INPP5A: variants seen among roughly 807,000 people sequenced by gnomAD.
INPP5A encodes 43 kDa inositol polyphosphate 5-phophatase.
A neutral mutation model predicts 65.2 loss-of-function variants in INPP5A; 14 were observed. The ratio of observed to expected loss-of-function variants is 0.21; its 90% CI spans 0.14 to 0.34. INPP5A has a LOEUF of 0.34. INPP5A is among the 10% of genes least tolerant of loss of function. The probability of loss-of-function intolerance (pLI) is 1.00; values close to 1 mark genes in which losing one functional copy is unlikely to be tolerated. For missense variants in INPP5A, 431 were observed against 545.6 expected (o/e 0.79, Z 2.09); for synonymous variants, 207 against 208.3 (o/e 0.99, Z 0.05).
chr10:132,728,870 C>T (rs1434555901), intron 9 of INPP5A, among the ~76,000 whole-genome samples: 5 of 152,178 alleles, frequency 3.3e-5, no homozygotes, highest in African/African-American at 4.8e-5. Context: ...GCCCGGTGGC[C>T]GGGCCGTGTG....
In INPP5A at chr10:132,644,454, G is replaced by A. The variant is rs2072466657; in HGVS notation, c.118-1414G>A. On this transcript the variant is annotated intron_variant, in intron 2 of 15. Coordinates refer to ENST00000368594, the MANE Select transcript of INPP5A (RefSeq NM_005539.5). The surrounding 1 kb of genome is among the most constrained non-coding windows in gnomAD (Gnocchi z 6.5). ...GGTTGGAACCATTTCTGTCTCCCCA[G>A]CCTGAGCCCGTCGTCCCTTGCTGGC... 6.6e-6 allele frequency among the ~76,000 whole-genome samples: 1 copy of A among 152,244 alleles called. No individual in the cohort carries two copies. Among genetic ancestry groups the A allele is most frequent in the African/African-American group, 2.4e-5 (1 of 41,458 alleles).
chr10:132,674,169 C>T lies in INPP5A; in HGVS notation c.307-16223C>T, dbSNP rs561367348. Among the ~76,000 whole-genome samples the T allele has an allele frequency of 6.6e-6, 1 of 152,356 alleles. No individual in the cohort carries two copies. Among genetic ancestry groups the T allele is most frequent in the East Asian group, 1.9e-4 (1 of 5,188 alleles). ...TACAAATATCTTCACAAATTTTGAC[C>T]ACTCAGAGAGGTCTGTCCACATACC... is the stretch of plus-strand genomic sequence containing the variant. On this transcript the variant is annotated intron_variant, in intron 4 of 15. Coordinates refer to ENST00000368594, the MANE Select transcript of INPP5A (RefSeq NM_005539.5). This position sits in a 1 kb window ranked among gnomAD's most constrained non-coding sequence, Gnocchi z 4.4.
chr10:132,543,842 G>A (rs998138275), intron 1 of INPP5A, among the ~76,000 whole-genome samples: 4 of 152,234 alleles, frequency 2.6e-5, no homozygotes, highest in Non-Finnish European at 4.4e-5. Context: ...AACAGTGGAT[G>A]TTTGGCCTAT....
At chr10:132,629,816 T>G (rs1047272877) in intron 2 of INPP5A, among the ~76,000 whole-genome samples, 2 of 150,522 alleles carry the variant, frequency 1.3e-5, no homozygotes, top group African/African-American at 4.9e-5. Flanking sequence ...GAGTGGAGGG[T>G]ATCCATGAGG....
At position 132,717,674 on chromosome 10, in the gene INPP5A, G is replaced by A. The variant is rs538085724; in HGVS notation, c.647+7218G>A. The stretch of plus-strand genomic sequence containing the variant: ...TGTGGTGCCTGGGTTCTGTCTGGGC[G>A]CCTTAGACGGCTGTCTTGCGGGTTC... On this transcript the variant is annotated intron_variant, in intron 8 of 15. Transcript: ENST00000368594. Among the ~76,000 whole-genome samples, 562 of 146,840 alleles carry A rather than the reference G, an allele frequency of 3.8e-3. 7 individuals are homozygous for A. Among genetic ancestry groups the A allele is most frequent in the African/African-American group, 6.5e-3 (249 of 38,576 alleles).
intron 4 of INPP5A, among the ~76,000 whole-genome samples, chr10:132,665,334 C>T (rs918500669): frequency 2.8e-4 from 43 of 152,220 alleles, no homozygotes; most frequent in African/African-American, 3.9e-4. Context: ...TAGGAGTAAA[C>T]GGATCCTGTG....
At position 132,705,880 on chromosome 10, in the gene INPP5A, A is replaced by T. The variant is rs1189893682; in HGVS notation, c.475-2433A>T. On this transcript the variant is annotated intron_variant, in intron 6 of 15. Transcript: ENST00000368594. The surrounding 1 kb of genome is among the most constrained non-coding windows in gnomAD (Gnocchi z 4.9). The stretch of plus-strand genomic sequence containing the variant: ...CTCACTCCCCAGGAGACTGCAAACC[A>T]AGAACGTCTATGAGACGAGCAGACA... 6.6e-6 allele frequency among the ~76,000 whole-genome samples: 1 copy of T among 152,192 alleles called. No homozygotes were observed. The highest frequency in any genetic ancestry group is 1.5e-5 in the Non-Finnish European group (1 of 68,044).
chr10:132,758,184 A>AG (rs1260532474), intron 11 of INPP5A, among the ~76,000 whole-genome samples: 65 of 65,034 alleles, frequency 1.0e-3, no homozygotes, highest in Non-Finnish European at 1.6e-3. Context: ...GCCCGGCACC[A>AG]TGGCGTGGGT....
chr10:132,756,578 C>T (rs144736794), intron 11 of INPP5A, among the ~76,000 whole-genome samples: 7 of 152,318 alleles, frequency 4.6e-5, no homozygotes, highest in East Asian at 3.9e-4. Flanking sequence ...GTGAAGGAGC[C>T]GCTGCGCCGC....
chr10:132,732,224 C>T (rs1846099604), intron 9 of INPP5A, among the ~76,000 whole-genome samples: 2 of 152,344 alleles, frequency 1.3e-5, no homozygotes, highest in South Asian at 4.1e-4. Context: ...CTGCCATTTG[C>T]AAAGGAATGG....
At chr10:132,563,815 C>T (rs1226906869) in intron 1 of INPP5A, among the ~76,000 whole-genome samples, 1 of 152,148 alleles carries the variant, frequency 6.6e-6, no homozygotes, top group Admixed American at 6.5e-5. Context: ...TATAACTCGC[C>T]TTCTCACTGC....
intron 7 of INPP5A, among the ~76,000 whole-genome samples, chr10:132,709,006 G>A (rs1293451132): frequency 6.6e-6 from 1 of 151,842 alleles, no homozygotes; most frequent in East Asian, 1.9e-4. Flanking sequence ...TTGATTATCT[G>A]CTGCCATGTA....
intron 1 of INPP5A, among the ~76,000 whole-genome samples, chr10:132,585,560 G>T (rs1445443664): frequency 6.6e-6 from 1 of 152,184 alleles, no homozygotes; most frequent in Non-Finnish European, 1.5e-5. Flanking sequence ...CCACTGGGGG[G>T]GTCTTGGAAT....
In INPP5A at chr10:132,603,408, G is replaced by A. The variant is rs1486017750; in HGVS notation, c.76-4507G>A. On this transcript the variant is annotated intron_variant, in intron 1 of 15. Coordinates refer to ENST00000368594, the MANE Select transcript of INPP5A (RefSeq NM_005539.5). The surrounding 1 kb of genome is among the most constrained non-coding windows in gnomAD (Gnocchi z 4.2). The stretch of plus-strand genomic sequence containing the variant: ...CTACCCAGAAAGAACGCTTGTCCAC[G>A]TGGAATAAACGTCATCCCAGTCTGC... Among the ~76,000 whole-genome samples the A allele has an allele frequency of 2.0e-5, 3 of 152,192 alleles. No homozygotes were observed.
rs11598013 is a variant in INPP5A at position 132,614,716 on chromosome 10, C to A, written c.117+6760C>A. On this transcript the variant is annotated intron_variant, in intron 2 of 15. Coordinates refer to ENST00000368594, the MANE Select transcript of INPP5A (RefSeq NM_005539.5). ...ACATTCCTGTGTTAACATCCTGCCC[C>A]CAAGGTGGTGGCCTCAGGAGGCCTG... is the stretch of plus-strand genomic sequence containing the variant. Among the ~76,000 whole-genome samples the A allele has an allele frequency of 7.0e-3, 1,064 of 152,374 alleles. 7 individuals carry two copies. The highest frequency in any genetic ancestry group is 0.011 in the Non-Finnish European group (772 of 68,034).
At position 132,710,325 on chromosome 10, in the gene INPP5A, T is replaced by C; in HGVS notation, c.528-12T>C. 6.2e-7 allele frequency: 1 copy of C among 1,613,600 alleles called. No individual in the cohort carries two copies. On this transcript the variant is annotated splice_polypyrimidine_tract_variant and intron_variant, in intron 7 of 15. Coordinates refer to ENST00000368594, the MANE Select transcript of INPP5A (RefSeq NM_005539.5). ...GCCCTTGGTGACGTGTCCTTTTCTCTTTTGGTTGCAGTGCCTTTGACTTGG... is the reference window on the plus strand; with the variant it reads ...GCCCTTGGTGACGTGTCCTTTTCTCCTTTGGTTGCAGTGCCTTTGACTTGG...
intron 4 of INPP5A, among the ~76,000 whole-genome samples, chr10:132,670,590 C>T (rs2072876871): frequency 6.6e-6 from 1 of 151,548 alleles, no homozygotes; most frequent in South Asian, 2.1e-4. Flanking sequence ...TTGGGGCACA[C>T]CTGTCCCCTG....
chr10:132,599,088 C>T (rs2071745653), intron 1 of INPP5A, among the ~76,000 whole-genome samples: 1 of 152,180 alleles, frequency 6.6e-6, no homozygotes, highest in Non-Finnish European at 1.5e-5. Context: ...CCCTCCAAAC[C>T]TCATGTCCTC....
At chr10:132,767,660 C>T (rs1846872234) in intron 12 of INPP5A, among the ~76,000 whole-genome samples, 1 of 152,212 alleles carries the variant, frequency 6.6e-6, no homozygotes, top group Non-Finnish European at 1.5e-5. Flanking sequence ...GACTGCTAGA[C>T]ACACGGGCCC....
Sources: gnomAD v4.1 joint callset for allele counts (sites outside exome capture counted in the v4.1 genomes callset) on GRCh38, gnomAD v4.1.1 for gene constraint, Gnocchi (gnomAD v3.1) non-coding constraint, MANE v1.5 for transcripts, NCBI Gene and HGNC (gene_info 2026-07-23, HGNC 2026-07-21) for gene names.